NTN4: variants seen among roughly 807,000 people sequenced by gnomAD.
NTN4 encodes netrin 4, also known as netrin-4.
In NTN4, 32 loss-of-function variants were observed where a neutral mutation model predicts 73.6. That is an observed-to-expected ratio of 0.44 (90% confidence interval 0.33 to 0.58). The LOEUF is 0.58. Ranked by LOEUF, NTN4 falls within the 20% of genes least tolerant of loss-of-function variation. The probability of loss-of-function intolerance (pLI) is 0.04; values close to 1 mark genes in which losing one functional copy is unlikely to be tolerated. For synonymous variants in NTN4, 258 were observed against 287.5 expected, an observed-to-expected ratio of 0.90 and a Z score of 1.04; for missense variants, 654 against 798.3, an observed-to-expected ratio of 0.82 and a Z score of 2.18.
At chr12:95,710,781 A>G in intron 4 of NTN4, 152 bp from the exon 5 acceptor site, 2 of 653,874 alleles carry the variant, frequency 3.1e-6, no homozygotes, top group Admixed American at 3.0e-5. Context: ...AGGCAGGTGG[A>G]TCACCTGAGG....
intron 5 of NTN4, among the ~76,000 whole-genome samples, chr12:95,686,515 T>C (rs2078362131): frequency 6.6e-6 from 1 of 151,802 alleles, no homozygotes; most frequent in Non-Finnish European, 1.5e-5. Context: ...TCCCTGCACG[T>C]TGGGCGGCTG....
intron 2 of NTN4, among the ~76,000 whole-genome samples, chr12:95,741,394 T>G (rs2078822563): frequency 7.4e-6 from 1 of 135,028 alleles, no homozygotes; most frequent in African/African-American, 2.7e-5. Flanking sequence ...TATGTATGTA[T>G]AGGAAAAACC....
In NTN4 at chr12:95,751,054, C is replaced by T. The variant is rs183413316; in HGVS notation, c.586-12910G>A. On this transcript the variant is annotated intron_variant, in intron 2 of 9. Transcript: ENST00000343702. Reference sequence around the variant, plus strand: ...CAGTTCATGGCTCGTTTGGCAGCAACCCTGAGACGCTTTACAGCCCTGGAC... The same window carrying T: ...CAGTTCATGGCTCGTTTGGCAGCAATCCTGAGACGCTTTACAGCCCTGGAC... Among the ~76,000 whole-genome samples the T allele has an allele frequency of 9.9e-3, 1,505 of 152,246 alleles. 13 individuals carry two copies. The highest frequency in any genetic ancestry group is 0.02 in the Middle Eastern group (6 of 294).
At chr12:95,758,540 G>A (rs1208436343) in intron 2 of NTN4, among the ~76,000 whole-genome samples, 1 of 152,108 alleles carries the variant, frequency 6.6e-6, no homozygotes, top group Non-Finnish European at 1.5e-5. Flanking sequence ...CCTTAACAGT[G>A]TCTTAATAGC....
rs991953715 is a variant in NTN4 at position 95,790,048 on chromosome 12, C to A, written c.55+207G>T. The A allele has an allele frequency of 6.6e-6, 3 of 453,328 alleles. No individual in the cohort carries two copies. Among genetic ancestry groups the A allele is most frequent in the Non-Finnish European group, 1.2e-5 (3 of 251,890 alleles). 28.1% of individuals were successfully genotyped at this position (453,328 alleles called of 1,614,324 possible). Reference sequence around the variant, plus strand: ...CACCCAGGATAGCTGGTTATCCAAGCGCATGTGTATCCCAGTTGTAAAAAT... The same window carrying A: ...CACCCAGGATAGCTGGTTATCCAAGAGCATGTGTATCCCAGTTGTAAAAAT... On this transcript the variant is annotated intron_variant, in intron 1 of 9. Coordinates refer to ENST00000343702, the MANE Select transcript of NTN4 (RefSeq NM_021229.4). The surrounding 1 kb of genome is among the most constrained non-coding windows in gnomAD (Gnocchi z 6.5).
chr12:95,700,798 TTTTC>T (rs1161332061), intron 5 of NTN4, among the ~76,000 whole-genome samples: 10 of 146,022 alleles, frequency 6.8e-5, no homozygotes, highest in Admixed American at 1.4e-4. Flanking sequence ...TCCCTTTCTT[TTTTC>T]TTTCTTTCTT....
At chr12:95,709,372 A>G (rs1026186504) in intron 5 of NTN4, among the ~76,000 whole-genome samples, 5 of 152,210 alleles carry the variant, frequency 3.3e-5, no homozygotes, top group African/African-American at 1.2e-4. Flanking sequence ...TAGATGAGCT[A>G]TTCATCCACA....
Position 95,761,326 on chromosome 12 carries a change from C to CTTTTTT in NTN4, c.586-23188_586-23183dup, listed in dbSNP as rs397969115. On this transcript the variant is annotated intron_variant, in intron 2 of 9. Coordinates refer to ENST00000343702, the MANE Select transcript of NTN4 (RefSeq NM_021229.4). ...CCCGAGGCAGGACAAAAGAGATATT[C>CTTTTTT]TTTTTTTTTTTTTTCCCCAAGACGG... Among the ~76,000 whole-genome samples the CTTTTTT allele has an allele frequency of 5.1e-3, 680 of 133,162 alleles. 15 individuals are homozygous for CTTTTTT. The highest frequency in any genetic ancestry group is 0.016 in the African/African-American group (593 of 36,174). The allele number at this position is 133,162 out of a possible 152,430, so 87.4% of individuals were successfully genotyped here. A position where few individuals can be genotyped will look rare whatever the true frequency, so the allele number is the denominator to read the frequency against.
intron 2 of NTN4, among the ~76,000 whole-genome samples, chr12:95,772,997 CTTT>C (rs960136379): frequency 2.1e-3 from 12 of 5,668 alleles, no homozygotes; most frequent in African/African-American, 0.02. Flanking sequence ...TTTTTTTTTT[CTTT>C]TTTCTTTTTT....
In NTN4 at chr12:95,773,425, A is replaced by T. The variant is rs2121277560; in HGVS notation, c.585+13514T>A. ...TGCTAAAAATAATGAACAGGATTGA[A>T]TTGATCTAGGCATAAGTTTGAGTCA... On this transcript the variant is annotated intron_variant, in intron 2 of 9. Coordinates refer to ENST00000343702, the MANE Select transcript of NTN4 (RefSeq NM_021229.4). Among the ~76,000 whole-genome samples, 3 of 152,344 alleles carry T rather than the reference A, an allele frequency of 2.0e-5. No homozygotes were observed. In the Middle Eastern group the frequency reaches 0.01, roughly 518 times the overall value.
chr12:95,722,489 G>C (rs2078655701), intron 3 of NTN4, among the ~76,000 whole-genome samples: 1 of 152,020 alleles, frequency 6.6e-6, no homozygotes, highest in South Asian at 2.1e-4. Flanking sequence ...ACCCGGGTGT[G>C]CTGGTGAACA....
At chr12:95,773,474 C>T (rs188514662) in intron 2 of NTN4, among the ~76,000 whole-genome samples, 27 of 152,176 alleles carry the variant, frequency 1.8e-4, no homozygotes, top group African/African-American at 5.8e-4. Context: ...TTTTTGAGGG[C>T]CCGCATGCCC....
chr12:95,731,224 T>C (rs1592691026), intron 3 of NTN4, among the ~76,000 whole-genome samples: 1 of 152,056 alleles, frequency 6.6e-6, no homozygotes, highest in Non-Finnish European at 1.5e-5. Context: ...CCTTCTAGGG[T>C]TATAGTAAAG....
intron 3 of NTN4, among the ~76,000 whole-genome samples, chr12:95,725,702 T>C (rs2078688945): frequency 1.3e-5 from 2 of 152,232 alleles, no homozygotes; most frequent in Non-Finnish European, 2.9e-5. Context: ...TTGTTTTTTG[T>C]TGTTAATTCA....
Position 95,680,475 on chromosome 12 carries a change from T to C in NTN4, c.1510+2232A>G, listed in dbSNP as rs989256028. Among the ~76,000 whole-genome samples the C allele has an allele frequency of 7.9e-5, 12 of 152,374 alleles. No individual in the cohort carries two copies. The South Asian group carries it at 2.5e-3, about 32-fold the overall frequency. On this transcript the variant is annotated intron_variant, in intron 7 of 9. Transcript: ENST00000343702. ...CAGGTGGCCGACTTGGCCTGAGGGC[T>C]GTGGTTTGCCAGCCCCTGGCCTGGT...
intron 9 of NTN4, among the ~76,000 whole-genome samples, chr12:95,664,167 C>T (rs923377937): frequency 6.6e-6 from 1 of 152,066 alleles, no homozygotes; most frequent in Admixed American, 6.5e-5. Flanking sequence ...GATCCTCCTA[C>T]CTCAGCCTTC....
intron 5 of NTN4, among the ~76,000 whole-genome samples, chr12:95,692,504 A>G (rs1366694674): frequency 6.6e-6 from 1 of 152,246 alleles, no homozygotes; most frequent in East Asian, 1.9e-4. Context: ...AATTTTATCT[A>G]TAGTTATATG....
chr12:95,755,836 GTAAC>G (rs2078944181), intron 2 of NTN4, among the ~76,000 whole-genome samples: 1 of 152,196 alleles, frequency 6.6e-6, no homozygotes, highest in Non-Finnish European at 1.5e-5. Context: ...TGACAGAACT[GTAAC>G]TGAGGAATGA....
intron 9 of NTN4, chr12:95,663,379 A>G (rs1167541798): frequency 6.6e-6 from 1 of 152,224 alleles, no homozygotes; most frequent in Non-Finnish European, 1.5e-5. Flanking sequence ...GGGTTTTGAC[A>G]TCTACTTTGC....
Sources: allele counts gnomAD v4.1 joint callset (sites outside exome capture counted in the v4.1 genomes callset), GRCh38; gene constraint gnomAD v4.1.1; non-coding constraint Gnocchi (gnomAD v3.1); transcripts MANE v1.5; gene names NCBI Gene and HGNC (gene_info 2026-07-23, HGNC 2026-07-21).